The following PROK2 variants were observed in gnomAD, a reference collection of about 807,000 sequenced individuals.
PROK2 encodes the protein prokineticin 2.
A neutral mutation model predicts 14.2 loss-of-function variants in PROK2; 8 were observed. The observed-to-expected ratio is 0.56, with a 90% CI of 0.33 to 1.02. The LOEUF is 1.02. Ranked by LOEUF, PROK2 falls within the 50% of genes least tolerant of loss-of-function variation. The pLI, the probability that PROK2 is intolerant of heterozygous loss-of-function variation, is 0.03. For missense variants in PROK2, 154 were observed against 160.4 expected (o/e 0.96, Z 0.22); for synonymous variants, 59 against 60.7 (o/e 0.97, Z 0.13).
rs748593523 is a variant in PROK2, at chr3:71,785,045, C to T, written c.8G>A (p.Ser3Asn). ...GAGCAGGAGTGGGGCGCAGCACAGGCTCCTCATGGCGCCCTCGGGACTGGG... is the reference window on the plus strand; with the variant it reads ...GAGCAGGAGTGGGGCGCAGCACAGGTTCCTCATGGCGCCCTCGGGACTGGG... MRSLCCAPLLLLL... is the reference protein window; with the variant it reads MRNLCCAPLLLLL... Residue 3 changes from serine (S) to asparagine (N), a missense_variant, in exon 1 of 4, where the codon AGC becomes AAC. Transcript: ENST00000295619. 5.5e-5 allele frequency: 68 copies of T among 1,239,510 alleles called. No homozygotes were observed. The East Asian group carries it at 2.0e-3, about 37-fold the overall frequency. 76.8% of individuals were successfully genotyped at this position (1,239,510 alleles called of 1,614,324 possible). A position where few individuals can be genotyped will look rare whatever the true frequency, so the allele number is the denominator to read the frequency against.
chr3:71,772,607 G>T lies in PROK2; in HGVS notation c.*117C>A. The stretch of plus-strand genomic sequence containing the variant: ...CAAATCAAAGATAAAAATGTTACTT[G>T]GAAAGTTGAGGAAGCAAGAGCATTT... On this transcript the variant is annotated 3_prime_UTR_variant, in exon 4 of 4. Transcript: ENST00000295619. 1 of 840,902 alleles carries T rather than the reference G, an allele frequency of 1.2e-6. No homozygotes were observed. The highest frequency in any genetic ancestry group is 2.0e-6 in the Non-Finnish European group (1 of 505,910). The allele number at this position is 840,902 out of a possible 1,614,324, so 52.1% of individuals were successfully genotyped here. A position where few individuals can be genotyped will look rare whatever the true frequency, so the allele number is the denominator to read the frequency against.
At chr3:71,784,848 G>A (rs1370754309) in intron 1 of PROK2, 109 bp downstream of exon 1, 5 of 995,142 alleles carry the variant, frequency 5.0e-6, no homozygotes, top group Admixed American at 4.3e-5. Context: ...CCCCGCCCAG[G>A]GCGACCCTCC....
At chr3:71,784,279 A>G (rs2050193022) in intron 1 of PROK2, among the ~76,000 whole-genome samples, 1 of 152,224 alleles carries the variant, frequency 6.6e-6, no homozygotes, top group Non-Finnish European at 1.5e-5. Flanking sequence ...TTAAACATCT[A>G]CACAGCAACC....
intron 2 of PROK2, among the ~76,000 whole-genome samples, chr3:71,780,280 T>C (rs546158186): frequency 2.6e-5 from 4 of 152,378 alleles, no homozygotes; most frequent in South Asian, 2.1e-4. Flanking sequence ...ATCCACATTA[T>C]AGCTTGCAGA....
intron 3 of PROK2, among the ~76,000 whole-genome samples, chr3:71,773,807 G>T (rs1381838043): frequency 2.0e-5 from 3 of 152,214 alleles, no homozygotes; most frequent in South Asian, 2.1e-4. Flanking sequence ...AGCCAAGCTG[G>T]GTTGAGGAGG....
At chr3:71,781,705 T>C (rs957607500) in intron 1 of PROK2, 113 bp from the exon 2 acceptor site, 12 of 1,113,714 alleles carry the variant, frequency 1.1e-5, no homozygotes, top group Non-Finnish European at 1.6e-5. Context: ...TGGACTTTAA[T>C]AATCAGGTAT....
At chr3:71,781,232 T>G (rs572607506) in intron 2 of PROK2, among the ~76,000 whole-genome samples, 22 of 152,342 alleles carry the variant, frequency 1.4e-4, no homozygotes, top group Middle Eastern at 3.4e-3. Context: ...GTAAAATGCT[T>G]CTAACACCAT....
intron 2 of PROK2, among the ~76,000 whole-genome samples, chr3:71,779,614 T>A (rs2050146037): frequency 6.6e-6 from 1 of 152,164 alleles, no homozygotes; most frequent in African/African-American, 2.4e-5. Flanking sequence ...ACACAATTTT[T>A]CTTTTTCCAG....
intron 3 of PROK2, 104 bp from the exon 4 acceptor site, chr3:71,772,932 T>A: frequency 4.2e-6 from 4 of 958,722 alleles, no homozygotes; most frequent in Non-Finnish European, 6.6e-6. Flanking sequence ...TAGTGTTTAC[T>A]GAGCGTTAAC....
At position 71,774,527 on chromosome 3, in the gene PROK2, G is replaced by T. The variant is rs771571893; in HGVS notation, c.223-20C>A. On this transcript the variant is annotated intron_variant, in intron 2 of 3. Transcript: ENST00000295619. Reference sequence around the variant, plus strand: ...ATTGTTCTGGAAGGGCCAGGGAGACGATTGAGATCAATAAATACAAAGGGA... The same window carrying T: ...ATTGTTCTGGAAGGGCCAGGGAGACTATTGAGATCAATAAATACAAAGGGA... 5 of 1,548,248 alleles carry T rather than the reference G, an allele frequency of 3.2e-6. No homozygotes were observed. Among genetic ancestry groups the T allele is most frequent in the East Asian group, 2.5e-5 (1 of 40,768 alleles).
chr3:71,772,856 G>A (rs1204105863), intron 3 of PROK2, 28 bp from the exon 4 acceptor site: 6 of 1,593,604 alleles, frequency 3.8e-6, no homozygotes, highest in South Asian at 2.2e-5. Flanking sequence ...CGGAGTCAGA[G>A]CTGGAAAGGT....
rs903555628 is a variant in PROK2 at position 71,772,847 on chromosome 3, G to A, written c.286-19C>T. 4.4e-6 allele frequency: 7 copies of A among 1,604,908 alleles called. No individual in the cohort carries two copies. The highest frequency in any genetic ancestry group is 1.6e-4 in the Middle Eastern group (1 of 6,066). ...ATGGAACCTAAATAAAAAAGAAAAC[G>A]GAGTCAGAGCTGGAAAGGTTTCAAA... is the stretch of plus-strand genomic sequence containing the variant. On this transcript the variant is annotated intron_variant, in intron 3 of 3. Coordinates refer to ENST00000295619, the MANE Select transcript of PROK2 (RefSeq NM_001126128.2).
chr3:71,771,934 T>G lies in PROK2; in HGVS notation c.*790A>C, dbSNP rs530784986. 121 of 152,426 alleles carry G rather than the reference T, an allele frequency of 7.9e-4. No homozygotes were observed. The highest frequency in any genetic ancestry group is 2.2e-3 in the African/African-American group (92 of 41,592). 9.4% of individuals were successfully genotyped at this position (152,426 alleles called of 1,614,324 possible). On this transcript the variant is annotated 3_prime_UTR_variant, in exon 4 of 4. Coordinates refer to ENST00000295619, the MANE Select transcript of PROK2 (RefSeq NM_001126128.2). ...TAAGGAAAAAAAACTTTATAAAAAG[T>G]AAAAGAAGTAAATGTAATCTTTTAT...
intron 2 of PROK2, among the ~76,000 whole-genome samples, chr3:71,781,165 T>C (rs1342490590): frequency 6.6e-6 from 1 of 152,350 alleles, no homozygotes; most frequent in East Asian, 1.9e-4. Flanking sequence ...TAGAGTATAA[T>C]ATATATTTTT....
Position 71,777,723 on chromosome 3 carries a change from A to G in PROK2, c.223-3216T>C, listed in dbSNP as rs1180652509. Among the ~76,000 whole-genome samples the G allele has an allele frequency of 2.6e-4, 40 of 152,218 alleles. 1 individual carries two copies. Reference sequence around the variant, plus strand: ...AGATTAAAGTATTAATCACATAATTATTGAATACTAAAAAGTGTTCAAAGC... The same window carrying G: ...AGATTAAAGTATTAATCACATAATTGTTGAATACTAAAAAGTGTTCAAAGC... On this transcript the variant is annotated intron_variant, in intron 2 of 3. Coordinates refer to ENST00000295619, the MANE Select transcript of PROK2 (RefSeq NM_001126128.2).
chr3:71,776,550 G>A (rs2050121967), intron 2 of PROK2, among the ~76,000 whole-genome samples: 1 of 151,572 alleles, frequency 6.6e-6, no homozygotes, highest in Non-Finnish European at 1.5e-5. Flanking sequence ...GCTAATTTTT[G>A]TATTTTTAGT....
At chr3:71,779,183 G>A (rs1203112771) in intron 2 of PROK2, among the ~76,000 whole-genome samples, 3 of 152,186 alleles carry the variant, frequency 2.0e-5, no homozygotes, top group Admixed American at 6.5e-5. Flanking sequence ...TCATTCCAGT[G>A]ATCATTTTGT....
At chr3:71,778,297 T>C (rs1175876375) in intron 2 of PROK2, among the ~76,000 whole-genome samples, 1 of 152,110 alleles carries the variant, frequency 6.6e-6, no homozygotes, top group Non-Finnish European at 1.5e-5. Context: ...ATTTAGAAAA[T>C]ATGCATACTA....
At chr3:71,779,607 C>T (rs1028647175) in intron 2 of PROK2, among the ~76,000 whole-genome samples, 1 of 152,088 alleles carries the variant, frequency 6.6e-6, no homozygotes, top group African/African-American at 2.4e-5. Context: ...GAAAACAACA[C>T]AATTTTTCTT....
Sources: gnomAD v4.1 joint callset for allele counts (sites outside exome capture counted in the v4.1 genomes callset) on GRCh38, gnomAD v4.1.1 for gene constraint, MANE v1.5 for transcripts, NCBI Gene and HGNC (gene_info 2026-07-23, HGNC 2026-07-21) for gene names.